Variants in FNBP1 observed in about 807,000 individuals in gnomAD.
FNBP1 encodes formin binding protein 1, also known as formin-binding protein 1.
Under a neutral mutation model 90.6 loss-of-function variants are expected in FNBP1, and 26 were observed. The observed-to-expected ratio is 0.29, with a 90% CI of 0.21 to 0.40. FNBP1 has a LOEUF of 0.40. Ranked by LOEUF, FNBP1 falls within the 10% of genes least tolerant of loss-of-function variation. FNBP1 has a pLI of 1.00. For synonymous variants in FNBP1, 260 were observed against 265.2 expected (o/e 0.98, Z 0.19); for missense variants, 635 against 768.0 (o/e 0.83, Z 2.05).
chr9:129,975,872 C>G (rs1484533026), intron 4 of FNBP1, among the ~76,000 whole-genome samples: 4 of 126,084 alleles, frequency 3.2e-5, no homozygotes, highest in Non-Finnish European at 6.3e-5. Flanking sequence ...CACTGCACTC[C>G]AGTCTGGGCA....
intron 1 of FNBP1, among the ~76,000 whole-genome samples, chr9:130,002,922 C>T (rs905012048): frequency 6.6e-6 from 1 of 152,152 alleles, no homozygotes; most frequent in Admixed American, 6.6e-5. Flanking sequence ...TTCAAACCAA[C>T]CAAAGGTGTG....
In FNBP1 at chr9:129,890,384, G is replaced by T. The variant is rs1213455099; in HGVS notation, c.*155C>A. 12 of 625,082 alleles carry T rather than the reference G, an allele frequency of 1.9e-5. No homozygotes were observed. Among genetic ancestry groups the T allele is most frequent in the Non-Finnish European group, 3.1e-5 (11 of 355,744 alleles). The allele number at this position is 625,082 out of a possible 1,614,324, so 38.7% of individuals were successfully genotyped here. Reference sequence around the variant, plus strand: ...CCGGGCTGGGCGGGAGGGCAGGGCCGCAGGGAGCATGCTGGAGAGAGAGAG... The same window carrying T: ...CCGGGCTGGGCGGGAGGGCAGGGCCTCAGGGAGCATGCTGGAGAGAGAGAG... On this transcript the variant is annotated 3_prime_UTR_variant, in exon 17 of 17. Coordinates refer to ENST00000446176, the MANE Select transcript of FNBP1 (RefSeq NM_015033.3). This position sits in a 1 kb window ranked among gnomAD's most constrained non-coding sequence, Gnocchi z 5.8.
rs778000510 is a variant in FNBP1, at chr9:129,900,484, C to T, written c.1492G>A (p.Gly498Arg). Reference protein sequence around the residue: ...ARSEQARRQSGLYDSQNPPTV... With the variant: ...ARSEQARRQSRLYDSQNPPTV... ...GGTGGGTTCTGGCTGTCGTACAGTC[C>T]GCTCTGCCGGCGCGCCTGCTCGCTG... is the stretch of plus-strand genomic sequence containing the variant. The change falls in exon 14 of 17, where the codon GGA becomes AGA. Residue 498 changes from glycine to arginine, a missense_variant. Coordinates refer to ENST00000446176, the MANE Select transcript of FNBP1 (RefSeq NM_015033.3). The surrounding 1 kb of genome is among the most constrained non-coding windows in gnomAD (Gnocchi z 4.1). 25 of 1,603,032 alleles carry T rather than the reference C, an allele frequency of 1.6e-5. No individual in the cohort carries two copies. The highest frequency in any genetic ancestry group is 7.8e-5 in the South Asian group (7 of 89,234).
chr9:129,994,678 T>C (rs557040123), intron 2 of FNBP1, among the ~76,000 whole-genome samples, 165 bp downstream of exon 2: 3 of 152,230 alleles, frequency 2.0e-5, no homozygotes, highest in Non-Finnish European at 4.4e-5. Flanking sequence ...TTTAATGTTC[T>C]ATGAAAATTA....
chr9:130,053,313 A>G, the FNBP1 span: 1 of 152,502 alleles, frequency 6.6e-6, no homozygotes, highest in South Asian at 2.0e-4. Context: ...CAGTTTGCTT[A>G]CCTGTAAAGT....
intron 6 of FNBP1, among the ~76,000 whole-genome samples, chr9:129,953,775 AG>A (rs2046519002): frequency 6.8e-6 from 1 of 146,836 alleles, no homozygotes; most frequent in South Asian, 2.3e-4. Flanking sequence ...ACTTTTTAAA[AG>A]GGTAATGGAA....
chr9:129,973,447 ATTACGAGAAGGTC>A (rs1246281476), intron 4 of FNBP1, among the ~76,000 whole-genome samples: 1 of 152,224 alleles, frequency 6.6e-6, no homozygotes, highest in Non-Finnish European at 1.5e-5. Flanking sequence ...AATGTTGGTT[ATTACGAGAAGGTC>A]TTAAATAGCT....
At chr9:129,943,701 C>T (rs1302041226) in intron 6 of FNBP1, among the ~76,000 whole-genome samples, 1 of 151,956 alleles carries the variant, frequency 6.6e-6, no homozygotes, top group African/African-American at 2.4e-5. Flanking sequence ...TGCTTTTAAA[C>T]TGCTATTGTG....
rs1211050340 is a variant in FNBP1, at chr9:130,042,797, G to A, written c.24+155C>T. Reference sequence around the variant, plus strand: ...CTCCTGCTCGGGCCAAGGCGGACGAGGGGCATTGGAACCCCGCCTCCTCCC... The same window carrying A: ...CTCCTGCTCGGGCCAAGGCGGACGAAGGGCATTGGAACCCCGCCTCCTCCC... On this transcript the variant is annotated intron_variant, in intron 1 of 16. Coordinates refer to ENST00000446176, the MANE Select transcript of FNBP1 (RefSeq NM_015033.3). This position sits in a 1 kb window ranked among gnomAD's most constrained non-coding sequence, Gnocchi z 5.5. Among the ~76,000 whole-genome samples the A allele has an allele frequency of 2.6e-5, 4 of 151,668 alleles. No individual in the cohort carries two copies. In the East Asian group the frequency reaches 7.8e-4, roughly 29 times the overall value.
chr9:129,980,969 T>A lies in FNBP1; in HGVS notation c.141-1595A>T, dbSNP rs547417782. Among the ~76,000 whole-genome samples, 20 of 147,434 alleles carry A rather than the reference T, an allele frequency of 1.4e-4. No individual in the cohort carries two copies. The South Asian group carries it at 3.8e-3, about 28-fold the overall frequency. On this transcript the variant is annotated intron_variant, in intron 2 of 16. Transcript: ENST00000446176. The stretch of plus-strand genomic sequence containing the variant: ...GGGAGGCTGAGGTAGGAGAATGGCA[T>A]GAATCCAGGAGGCGGAGCTTGCAGT...
intron 15 of FNBP1, among the ~76,000 whole-genome samples, chr9:129,898,216 C>T (rs2036158369): frequency 6.6e-6 from 1 of 152,190 alleles, no homozygotes; most frequent in African/African-American, 2.4e-5. Context: ...GCTCTGACTG[C>T]ATCGACACCC....
chr9:129,986,054 T>C (rs2052169292), intron 2 of FNBP1, among the ~76,000 whole-genome samples: 1 of 150,556 alleles, frequency 6.6e-6, no homozygotes, highest in Non-Finnish European at 1.5e-5. Context: ...GAGAATTGCT[T>C]GAACCCGGGA....
chr9:129,939,410 A>G (rs1313969367), intron 6 of FNBP1, among the ~76,000 whole-genome samples: 1 of 152,070 alleles, frequency 6.6e-6, no homozygotes, highest in African/African-American at 2.4e-5. Context: ...AAAATCTTGC[A>G]TATGTTATCA....
intron 2 of FNBP1, among the ~76,000 whole-genome samples, chr9:129,982,697 T>C (rs1430537792): frequency 6.6e-6 from 1 of 152,176 alleles, no homozygotes; most frequent in African/African-American, 2.4e-5. Flanking sequence ...GGTCTTGTTC[T>C]GTCACCCGGA....
At chr9:129,899,885 G>A (rs772943775) in intron 15 of FNBP1, 80 bp downstream of exon 15, 136 of 1,271,618 alleles carry the variant, frequency 1.1e-4, no homozygotes, top group Non-Finnish European at 1.4e-4. Context: ...AAGGAAGGAA[G>A]GAAGGAAAAG....
chr9:129,945,398 T>C (rs1019174411), intron 6 of FNBP1, among the ~76,000 whole-genome samples: 2 of 152,342 alleles, frequency 1.3e-5, no homozygotes, highest in South Asian at 2.1e-4. Context: ...AAATGTTCTC[T>C]AAATTGTTAT....
At chr9:130,022,689 G>T (rs1554865809) in intron 1 of FNBP1, among the ~76,000 whole-genome samples, 1 of 151,810 alleles carries the variant, frequency 6.6e-6, no homozygotes, top group Non-Finnish European at 1.5e-5. Context: ...TTGAGACAGG[G>T]TTTCACTCTG....
rs899346843 is a variant in FNBP1, at chr9:130,042,275, T to C, written c.24+677A>G. ...CGCGAACGCCTCTTCCTGAGGTAGATCACGTAAGATCTCTCCCTAACTCCC... is the reference window on the plus strand; with the variant it reads ...CGCGAACGCCTCTTCCTGAGGTAGACCACGTAAGATCTCTCCCTAACTCCC... On this transcript the variant is annotated intron_variant, in intron 1 of 16. Transcript: ENST00000446176. This position sits in a 1 kb window ranked among gnomAD's most constrained non-coding sequence, Gnocchi z 5.5. Among the ~76,000 whole-genome samples, 1 of 152,060 alleles carries C rather than the reference T, an allele frequency of 6.6e-6. No homozygotes were observed. Among genetic ancestry groups the C allele is most frequent in the African/African-American group, 2.4e-5 (1 of 41,410 alleles).
chr9:129,909,051 A>G (rs979313541), intron 11 of FNBP1, 52 bp from the exon 12 acceptor site: 4 of 1,298,832 alleles, frequency 3.1e-6, no homozygotes, highest in East Asian at 2.3e-5. Context: ...CTTTCCTTGA[A>G]AGAAGGCTGA....
Sources: allele counts gnomAD v4.1 joint callset (sites outside exome capture counted in the v4.1 genomes callset), GRCh38; gene constraint gnomAD v4.1.1; non-coding constraint Gnocchi (gnomAD v3.1); transcripts MANE v1.5; gene names NCBI Gene and HGNC (gene_info 2026-07-23, HGNC 2026-07-21).